MACROD2: variants seen among roughly 807,000 people sequenced by gnomAD.
MACROD2 encodes ADP-ribose glycohydrolase MACROD2.
MACROD2 carries 36 observed loss-of-function variants against 70.4 expected under a neutral mutation model. The ratio of observed to expected loss-of-function variants is 0.51; its 90% CI spans 0.39 to 0.68. The LOEUF is 0.68. MACROD2 is among the 30% of genes least tolerant of loss of function. MACROD2 has a pLI of 0.00. For missense variants in MACROD2, 496 were observed against 538.4 expected, an observed-to-expected ratio of 0.92 and a Z score of 0.78; for synonymous variants, 172 against 178.8, an observed-to-expected ratio of 0.96 and a Z score of 0.30.
intron 4 of MACROD2, among the ~76,000 whole-genome samples, chr20:14,655,940 A>T (rs1201322371): frequency 6.6e-6 from 1 of 152,136 alleles, no homozygotes; most frequent in Non-Finnish European, 1.5e-5. Flanking sequence ...CTTATTATAC[A>T]TGGGCTGATT....
chr20:14,526,310 A>G (rs914387626), intron 4 of MACROD2, among the ~76,000 whole-genome samples: 1 of 151,446 alleles, frequency 6.6e-6, no homozygotes, highest in African/African-American at 2.4e-5. Flanking sequence ...CTTTCTTTTC[A>G]TAGTCTTTTT....
At chr20:15,708,760 T>C (rs1333251819) in intron 8 of MACROD2, among the ~76,000 whole-genome samples, 1 of 151,532 alleles carries the variant, frequency 6.6e-6, no homozygotes, top group East Asian at 1.9e-4. Flanking sequence ...ACTTGGTGGC[T>C]CACACCTGTG....
chr20:15,856,260 G>T (rs542908992), intron 8 of MACROD2, among the ~76,000 whole-genome samples: 4 of 152,196 alleles, frequency 2.6e-5, no homozygotes, highest in Non-Finnish European at 4.4e-5. Context: ...TCCTAGTTTA[G>T]AGGGCATCAT....
intron 4 of MACROD2, among the ~76,000 whole-genome samples, chr20:14,545,086 T>G (rs2085477167): frequency 6.6e-6 from 1 of 152,124 alleles, no homozygotes; most frequent in Non-Finnish European, 1.5e-5. Flanking sequence ...AACACTATAT[T>G]CACTCTCTGA....
intron 5 of MACROD2, among the ~76,000 whole-genome samples, chr20:14,769,864 G>C (rs1319282934): frequency 6.6e-6 from 1 of 151,950 alleles, no homozygotes; most frequent in Non-Finnish European, 1.5e-5. Flanking sequence ...GCTACAAGAA[G>C]CAATCAGCAT....
intron 5 of MACROD2, among the ~76,000 whole-genome samples, chr20:14,729,526 G>A (rs958892729): frequency 9.2e-5 from 14 of 152,094 alleles, no homozygotes; most frequent in South Asian, 8.3e-4. Context: ...AATTCTTAAC[G>A]TCTCTGTGGG....
At chr20:15,494,203 A>T (rs1430267901) in intron 7 of MACROD2, among the ~76,000 whole-genome samples, 1 of 152,234 alleles carries the variant, frequency 6.6e-6, no homozygotes, top group Non-Finnish European at 1.5e-5. Context: ...GATTATTAAA[A>T]CACATCATTT....
chr20:15,674,753 G>GTT (rs1191788777), intron 8 of MACROD2, among the ~76,000 whole-genome samples: 7 of 113,240 alleles, frequency 6.2e-5, no homozygotes, highest in Admixed American at 1.8e-4. Flanking sequence ...GTGTGTGTGT[G>GTT]TTGTGTGTGT....
intron 8 of MACROD2, among the ~76,000 whole-genome samples, chr20:15,584,693 G>A (rs145121649): frequency 5.9e-5 from 9 of 152,272 alleles, no homozygotes; most frequent in Middle Eastern, 3.4e-3. Context: ...TACCCACAGG[G>A]GGCACTGGTA....
rs373384246 is a variant in MACROD2 at position 14,752,688 on chromosome 20, A to G, written c.418+67729A>G. ...TGAATGGATAGAGGTAAAATGCCTGACAGACCTATATGCATTTTTGTCCCT... is the reference window on the plus strand; with the variant it reads ...TGAATGGATAGAGGTAAAATGCCTGGCAGACCTATATGCATTTTTGTCCCT... On this transcript the variant is annotated intron_variant, in intron 5 of 17. Transcript: ENST00000684519. Among the ~76,000 whole-genome samples the G allele has an allele frequency of 3.5e-4, 53 of 152,222 alleles. 1 individual carries two copies. In the South Asian group the frequency reaches 9.3e-3, roughly 27 times the overall value.
chr20:15,832,044 C>G (rs2064061800), intron 8 of MACROD2, among the ~76,000 whole-genome samples: 1 of 152,102 alleles, frequency 6.6e-6, no homozygotes, highest in African/African-American at 2.4e-5. Context: ...TTAGTTTTAC[C>G]TACGTATGTT....
At chr20:14,742,039 A>G (rs1200197377) in intron 5 of MACROD2, among the ~76,000 whole-genome samples, 1 of 152,176 alleles carries the variant, frequency 6.6e-6, no homozygotes, top group Non-Finnish European at 1.5e-5. Context: ...AAACACAGAT[A>G]GAAGTGTCAT....
intron 3 of MACROD2, among the ~76,000 whole-genome samples, chr20:14,315,265 G>A (rs2082603341): frequency 6.6e-6 from 1 of 152,130 alleles, no homozygotes; most frequent in South Asian, 2.1e-4. Flanking sequence ...GGGAAGTAAG[G>A]GAGATAATGG....
intron 2 of MACROD2, among the ~76,000 whole-genome samples, chr20:14,078,469 C>T (rs547338662): frequency 9.2e-5 from 14 of 152,080 alleles, no homozygotes; most frequent in African/African-American, 3.1e-4. Flanking sequence ...TACAATGGCG[C>T]GATCTCGGCT....
chr20:15,992,427 C>T (rs2066570515), intron 15 of MACROD2, among the ~76,000 whole-genome samples: 1 of 152,154 alleles, frequency 6.6e-6, no homozygotes, highest in South Asian at 2.1e-4. Flanking sequence ...CTTTGCCATT[C>T]CTTTTTTCGT....
chr20:14,209,055 A>G (rs759311524), intron 3 of MACROD2, among the ~76,000 whole-genome samples: 26 of 152,228 alleles, frequency 1.7e-4, no homozygotes, highest in Non-Finnish European at 3.1e-4. Context: ...GAATTGAGTA[A>G]GGATTATATA....
At chr20:14,408,492 T>C (rs1177184471) in intron 3 of MACROD2, among the ~76,000 whole-genome samples, 2 of 152,150 alleles carry the variant, frequency 1.3e-5, no homozygotes, top group East Asian at 1.9e-4. Flanking sequence ...AATTCCTTTT[T>C]GAGATAAGAC....
At chr20:14,022,914 T>C (rs2148625970) in intron 2 of MACROD2, among the ~76,000 whole-genome samples, 2 of 152,356 alleles carry the variant, frequency 1.3e-5, no homozygotes, top group East Asian at 3.9e-4. Flanking sequence ...CATGTGTCTT[T>C]ATAGTAGAAT....
At chr20:14,894,407 A>AT (rs1714399284) in intron 5 of MACROD2, 1 of 151,660 alleles carries the variant, frequency 6.6e-6, no homozygotes, top group Non-Finnish European at 1.5e-5. Flanking sequence ...ATGTTTTTAT[A>AT]TTTTTAGTAG....
Sources: allele counts gnomAD v4.1 joint callset (sites outside exome capture counted in the v4.1 genomes callset), GRCh38; gene constraint gnomAD v4.1.1; transcripts MANE v1.5; gene names NCBI Gene and HGNC (gene_info 2026-07-23, HGNC 2026-07-21).